The following PPM1E variants were observed in gnomAD, a reference collection of about 807,000 sequenced individuals.
The protein encoded by PPM1E is protein phosphatase, Mg2+/Mn2+ dependent 1E.
In PPM1E, 20 loss-of-function variants were observed where a neutral mutation model predicts 65.9. That is an observed-to-expected ratio of 0.30 (90% CI 0.21 to 0.44). PPM1E has a LOEUF of 0.44. PPM1E is among the 20% of genes least tolerant of loss of function. The pLI is 1.00. For synonymous variants in PPM1E, 352 were observed against 374.9 expected, an observed-to-expected ratio of 0.94 and a Z score of 0.70; for missense variants, 713 against 953.1, an observed-to-expected ratio of 0.75 and a Z score of 3.32.
intron 1 of PPM1E, among the ~76,000 whole-genome samples, chr17:58,828,684 G>A (rs773383765): frequency 6.6e-6 from 1 of 151,904 alleles, no homozygotes. Context: ...GGCTGGTCTC[G>A]ACCTCCTGAC....
intron 1 of PPM1E, among the ~76,000 whole-genome samples, chr17:58,787,279 G>A (rs2050109423): frequency 6.6e-6 from 1 of 152,106 alleles, no homozygotes; most frequent in South Asian, 2.1e-4. Flanking sequence ...AGTTATGATG[G>A]CAAGATTCCC....
intron 1 of PPM1E, among the ~76,000 whole-genome samples, chr17:58,867,299 C>T (rs914714531): frequency 5.3e-5 from 8 of 152,096 alleles, no homozygotes; most frequent in Admixed American, 2.0e-4. Flanking sequence ...CTTTTCAAAA[C>T]GCAAAAATCA....
chr17:58,974,984 C>T (rs560232133), intron 6 of PPM1E, among the ~76,000 whole-genome samples: 63 of 152,276 alleles, frequency 4.1e-4, no homozygotes, highest in Middle Eastern at 3.4e-3. Context: ...GGAAATGTCT[C>T]ATTTCTAAAA....
intron 1 of PPM1E, among the ~76,000 whole-genome samples, chr17:58,875,393 A>G (rs1484699828): frequency 6.6e-6 from 1 of 152,206 alleles, no homozygotes; most frequent in Non-Finnish European, 1.5e-5. Flanking sequence ...GGCTGAAAGT[A>G]TAGCTAGGTC....
chr17:58,867,282 T>C (rs1383106156), intron 1 of PPM1E, among the ~76,000 whole-genome samples: 3 of 152,334 alleles, frequency 2.0e-5, no homozygotes, highest in Non-Finnish European at 2.9e-5. Context: ...CCTGCCTGGA[T>C]TTTAAGCTTT....
intron 1 of PPM1E, among the ~76,000 whole-genome samples, chr17:58,781,344 T>C (rs188898031): frequency 2.6e-5 from 4 of 151,936 alleles, no homozygotes; most frequent in African/African-American, 9.6e-5. Flanking sequence ...TTTTGCCACA[T>C]TGGCCAAGCT....
At chr17:58,765,907 G>A (rs111294572) in intron 1 of PPM1E, among the ~76,000 whole-genome samples, 2,581 of 133,182 alleles carry the variant, frequency 0.019, 39 homozygotes, top group Non-Finnish European at 0.031. Flanking sequence ...CCAAGATGGT[G>A]TCTCGTTCTG....
intron 1 of PPM1E, among the ~76,000 whole-genome samples, chr17:58,936,983 TA>T (rs2051989971): frequency 6.6e-6 from 1 of 152,046 alleles, no homozygotes; most frequent in Non-Finnish European, 1.5e-5. Flanking sequence ...TGTCAGCCTA[TA>T]TAGTGGAGAT....
chr17:58,880,006 G>T (rs1224647379), intron 1 of PPM1E, among the ~76,000 whole-genome samples: 1 of 152,156 alleles, frequency 6.6e-6, no homozygotes, highest in African/African-American at 2.4e-5. Context: ...CGGCATGGGA[G>T]CCCTCGTAAG....
intron 1 of PPM1E, among the ~76,000 whole-genome samples, chr17:58,881,775 G>A (rs868474331): frequency 6.6e-5 from 10 of 151,984 alleles, no homozygotes; most frequent in African/African-American, 1.9e-4. Context: ...GCCCAGAGAC[G>A]GAGGTTACAT....
At chr17:58,851,762 C>T (rs893094098) in intron 1 of PPM1E, among the ~76,000 whole-genome samples, 1 of 152,242 alleles carries the variant, frequency 6.6e-6, no homozygotes, top group Non-Finnish European at 1.5e-5. Context: ...TGTCCTTTCT[C>T]AGATCTCAAA....
chr17:58,937,879 C>CAAAAAAAAAAAAAAAAA, intron 1 of PPM1E, among the ~76,000 whole-genome samples: 1 of 82,976 alleles, frequency 1.2e-5, no homozygotes, highest in Admixed American at 1.4e-4. Flanking sequence ...GACTCCATCT[C>CAAAAAAAAAAAAAAAAA]AAAAAAAAAA....
intron 1 of PPM1E, among the ~76,000 whole-genome samples, chr17:58,879,394 G>A (rs1245500350): frequency 1.3e-5 from 2 of 150,042 alleles, no homozygotes; most frequent in Non-Finnish European, 3.0e-5. Flanking sequence ...TTCTACGGGT[G>A]TGTACCACTG....
intron 1 of PPM1E, among the ~76,000 whole-genome samples, chr17:58,770,501 C>T (rs1598559636): frequency 6.6e-6 from 1 of 152,188 alleles, no homozygotes; most frequent in East Asian, 1.9e-4. Context: ...AGAGCCACTG[C>T]ACTCCAGCCC....
intron 1 of PPM1E, among the ~76,000 whole-genome samples, chr17:58,921,910 C>T (rs1022552836): frequency 1.3e-5 from 2 of 151,250 alleles, no homozygotes; most frequent in African/African-American, 4.9e-5. Flanking sequence ...TGTGGTGGCA[C>T]GCACCTGTAA....
At chr17:58,824,134 G>A (rs376473749) in intron 1 of PPM1E, among the ~76,000 whole-genome samples, 1 of 152,282 alleles carries the variant, frequency 6.6e-6, no homozygotes, top group Non-Finnish European at 1.5e-5. Context: ...AAGGGTTGGA[G>A]AAAGGGTTTG....
At chr17:58,887,348 G>A (rs1308128318) in intron 1 of PPM1E, among the ~76,000 whole-genome samples, 1 of 151,926 alleles carries the variant, frequency 6.6e-6, no homozygotes, top group East Asian at 1.9e-4. Context: ...TGTATTTTTA[G>A]TAGAGACGGG....
intron 1 of PPM1E, among the ~76,000 whole-genome samples, chr17:58,803,881 A>C (rs1389209593): frequency 2.0e-5 from 3 of 152,178 alleles, no homozygotes; most frequent in Non-Finnish European, 4.4e-5. Context: ...ATTTAAGTTG[A>C]ATAGTAGTGT....
intron 1 of PPM1E, among the ~76,000 whole-genome samples, chr17:58,802,983 A>G (rs1437539358): frequency 1.3e-5 from 2 of 152,058 alleles, no homozygotes; most frequent in East Asian, 3.8e-4. Flanking sequence ...AAACAGAGTC[A>G]ATTTTACTTC....
Sources: allele counts gnomAD v4.1 joint callset (sites outside exome capture counted in the v4.1 genomes callset), GRCh38; gene constraint gnomAD v4.1.1; transcripts MANE v1.5; gene names NCBI Gene and HGNC (gene_info 2026-07-23, HGNC 2026-07-21).